The following GRIK3 variants were observed in gnomAD, a reference collection of about 807,000 sequenced individuals.
GRIK3 encodes glutamate ionotropic receptor kainate type subunit 3, also known as glutamate receptor ionotropic, kainate 3.
Under a neutral mutation model 102.5 loss-of-function variants are expected in GRIK3, and 29 were observed. The ratio of observed to expected loss-of-function variants is 0.28; its 90% CI spans 0.21 to 0.39. The LOEUF is 0.39. GRIK3 is among the 10% of genes least tolerant of loss of function. The pLI is 1.00. For missense variants in GRIK3, 908 were observed against 1,252.4 expected (o/e 0.73, Z 4.15); for synonymous variants, 511 against 504.9 (o/e 1.01, Z -0.16).
rs550433643 is a variant in GRIK3, at chr1:37,011,352, A to G, written c.115+22642T>C. On this transcript the variant is annotated intron_variant, in intron 1 of 15. Coordinates refer to ENST00000373091, the MANE Select transcript of GRIK3 (RefSeq NM_000831.4). ...CTATGTAGCAGACACTGCTCTGAAC[A>G]CTTCACACTATTAGTTAATTTTGCC... Among the ~76,000 whole-genome samples the G allele has an allele frequency of 7.9e-5, 12 of 152,340 alleles. No individual in the cohort carries two copies. The East Asian group carries it at 2.3e-3, about 29-fold the overall frequency.
chr1:36,825,427 A>C (rs1273188660), intron 11 of GRIK3, among the ~76,000 whole-genome samples, 176 bp downstream of exon 11: 1 of 152,180 alleles, frequency 6.6e-6, no homozygotes, highest in African/African-American at 2.4e-5. Flanking sequence ...GGGCCAAGGC[A>C]TGGAATGTTC....
intron 1 of GRIK3, among the ~76,000 whole-genome samples, chr1:36,984,655 C>A (rs1475443206): frequency 6.6e-6 from 1 of 152,184 alleles, no homozygotes; most frequent in Non-Finnish European, 1.5e-5. Flanking sequence ...TGGCTACAAA[C>A]CCTTGGGAGA....
At chr1:36,976,812 C>T (rs1642200998) in intron 1 of GRIK3, among the ~76,000 whole-genome samples, 1 of 152,148 alleles carries the variant, frequency 6.6e-6, no homozygotes, top group African/African-American at 2.4e-5. Context: ...CCTTATGAGC[C>T]TCACTTCAGG....
intron 1 of GRIK3, among the ~76,000 whole-genome samples, chr1:36,904,352 A>G (rs1641263171): frequency 6.6e-6 from 1 of 152,236 alleles, no homozygotes. Flanking sequence ...TCTGAGTGGT[A>G]GGCTCATGGG....
At position 36,806,273 on chromosome 1, in the gene GRIK3, T is replaced by C. The variant is rs187666504; in HGVS notation, c.2145A>G (p.Pro715=). Residue 715 remains proline (P), a synonymous_variant, in exon 14 of 16, where the codon CCA becomes CCG. Transcript: ENST00000373091. The surrounding 1 kb of genome is among the most constrained non-coding windows in gnomAD (Gnocchi z 4.0). Reference sequence around the variant, plus strand: ...CCTCGTTGTTCTTCACCAGCGCCGATGGCTTGCTGCTCATGAAGGCCCACA... The same window carrying C: ...CCTCGTTGTTCTTCACCAGCGCCGACGGCTTGCTGCTCATGAAGGCCCACA... ...EKMWAFMSSK[P]SALVKNNEEG... 50 of 1,614,192 alleles carry C rather than the reference T, an allele frequency of 3.1e-5. No individual in the cohort carries two copies. The highest frequency in any genetic ancestry group is 6.7e-5 in the East Asian group (3 of 44,884).
chr1:36,908,005 T>A (rs915805348), intron 1 of GRIK3, among the ~76,000 whole-genome samples: 2 of 152,120 alleles, frequency 1.3e-5, no homozygotes, highest in African/African-American at 4.8e-5. Context: ...CTCAAAAGAC[T>A]GGGCGGTCCC....
chr1:37,003,854 GC>G (rs1238721712), intron 1 of GRIK3, among the ~76,000 whole-genome samples: 1 of 151,994 alleles, frequency 6.6e-6, no homozygotes, highest in African/African-American at 2.4e-5. Flanking sequence ...CACCTCCTGT[GC>G]CCCCCTCGTC....
intron 10 of GRIK3, among the ~76,000 whole-genome samples, chr1:36,837,829 T>G (rs564933547): frequency 6.6e-6 from 1 of 152,282 alleles, no homozygotes; most frequent in African/African-American, 2.4e-5. Flanking sequence ...GGATGGCAGA[T>G]GGGGACTCCC....
intron 10 of GRIK3, among the ~76,000 whole-genome samples, chr1:36,840,883 A>T (rs1471248285): frequency 6.6e-6 from 1 of 152,204 alleles, no homozygotes; most frequent in African/African-American, 2.4e-5. Flanking sequence ...GCATCTTACC[A>T]GGGACCCTCT....
chr1:36,923,411 G>A (rs534746615), intron 1 of GRIK3, among the ~76,000 whole-genome samples: 6 of 152,312 alleles, frequency 3.9e-5, no homozygotes, highest in African/African-American at 1.4e-4. Context: ...GCATCCCCAG[G>A]TCTGACTGGA....
At chr1:36,939,576 G>A (rs935243307) in intron 1 of GRIK3, among the ~76,000 whole-genome samples, 2 of 152,190 alleles carry the variant, frequency 1.3e-5, no homozygotes, top group African/African-American at 2.4e-5. Context: ...CCCTAAGGAA[G>A]AAAAAGCAGA....
At chr1:37,002,937 C>A (rs1308026189) in intron 1 of GRIK3, among the ~76,000 whole-genome samples, 1 of 151,816 alleles carries the variant, frequency 6.6e-6, no homozygotes, top group African/African-American at 2.4e-5. Context: ...CACTGCACGG[C>A]CAATGTTGCA....
chr1:36,851,641 A>G (rs1050142991), intron 8 of GRIK3, among the ~76,000 whole-genome samples: 1 of 152,254 alleles, frequency 6.6e-6, no homozygotes, highest in Non-Finnish European at 1.5e-5. Context: ...ATGTGAGGCC[A>G]GTTAGGACTG....
intron 1 of GRIK3, among the ~76,000 whole-genome samples, chr1:36,998,629 C>A (rs1208277648): frequency 6.6e-6 from 1 of 152,242 alleles, no homozygotes; most frequent in East Asian, 1.9e-4. Context: ...CTCACCTGAG[C>A]CTCCCGATGG....
At chr1:36,870,534 C>G (rs749402490) in intron 4 of GRIK3, among the ~76,000 whole-genome samples, 17 of 152,248 alleles carry the variant, frequency 1.1e-4, no homozygotes, top group Non-Finnish European at 2.2e-4. Flanking sequence ...GTACACTTTG[C>G]AAATGCTGCC....
At chr1:36,916,173 C>T (rs1557724049) in intron 1 of GRIK3, among the ~76,000 whole-genome samples, 1 of 152,084 alleles carries the variant, frequency 6.6e-6, no homozygotes, top group Non-Finnish European at 1.5e-5. Flanking sequence ...AGCATTTTGC[C>T]CCTGCCCTAC....
intron 10 of GRIK3, among the ~76,000 whole-genome samples, chr1:36,839,046 C>T (rs139508495): frequency 1.3e-5 from 2 of 152,296 alleles, no homozygotes; most frequent in Non-Finnish European, 2.9e-5. Context: ...TGATGCTGGG[C>T]TTCTCTGATC....
intron 1 of GRIK3, among the ~76,000 whole-genome samples, chr1:37,018,327 A>G (rs1642674692): frequency 1.3e-5 from 2 of 152,198 alleles, no homozygotes; most frequent in African/African-American, 4.8e-5. Context: ...AAAGCACTGA[A>G]TATGGATAGC....
chr1:36,819,651 G>C lies in GRIK3; in HGVS notation c.1873+85C>G, dbSNP rs1642675431. The C allele has an allele frequency of 1.3e-6, 1 of 759,254 alleles. No individual in the cohort carries two copies. The highest frequency in any genetic ancestry group is 1.8e-5 in the Admixed American group (1 of 55,468). 47.0% of individuals were successfully genotyped at this position (759,254 alleles called of 1,614,324 possible). Reference sequence around the variant, plus strand: ...TCTGAGGCTACCCCTAGAGGTGTGGGCTGGCTCTGCTGATGCCAAAGAGGC... The same window carrying C: ...TCTGAGGCTACCCCTAGAGGTGTGGCCTGGCTCTGCTGATGCCAAAGAGGC... On this transcript the variant is annotated intron_variant, in intron 12 of 15. Transcript: ENST00000373091. The surrounding 1 kb of genome is among the most constrained non-coding windows in gnomAD (Gnocchi z 4.1).
Sources: allele counts gnomAD v4.1 joint callset (sites outside exome capture counted in the v4.1 genomes callset), GRCh38; gene constraint gnomAD v4.1.1; non-coding constraint Gnocchi (gnomAD v3.1); transcripts MANE v1.5; gene names NCBI Gene and HGNC (gene_info 2026-07-23, HGNC 2026-07-21).